The following SOX6 variants were observed in gnomAD, a reference collection of about 807,000 sequenced individuals.
SOX6 encodes SRY-box transcription factor 6.
A neutral mutation model predicts 97.8 loss-of-function variants in SOX6; 11 were observed. That is an observed-to-expected ratio of 0.11 (90% confidence interval 0.07 to 0.19). SOX6 has a LOEUF of 0.19. SOX6 is among the 10% of genes least tolerant of loss of function. SOX6 has a pLI of 1.00. For missense variants in SOX6, 810 were observed against 1,039.5 expected (o/e 0.78, Z 3.04); for synonymous variants, 360 against 371.4 (o/e 0.97, Z 0.35).
chr11:16,569,434 G>A (rs951294980), intron 4 of SOX6, among the ~76,000 whole-genome samples: 26 of 152,088 alleles, frequency 1.7e-4, no homozygotes, highest in Non-Finnish European at 2.9e-4. Context: ...TATTTTGGGT[G>A]CTCCAGTGGT....
chr11:16,050,595 AT>A (rs1198455185), intron 10 of SOX6, among the ~76,000 whole-genome samples: 1 of 152,116 alleles, frequency 6.6e-6, no homozygotes, highest in African/African-American at 2.4e-5. Context: ...TATGCAATTT[AT>A]TTTTCATGTT....
At chr11:16,665,122 C>T (rs1335405715) in intron 3 of SOX6, among the ~76,000 whole-genome samples, 1 of 151,554 alleles carries the variant, frequency 6.6e-6, no homozygotes, top group Non-Finnish European at 1.5e-5. Flanking sequence ...ACAGCAAATT[C>T]CCAGCTGTGG....
intron 3 of SOX6, among the ~76,000 whole-genome samples, chr11:16,700,694 C>T (rs990344142): frequency 7.9e-5 from 12 of 152,188 alleles, no homozygotes; most frequent in Non-Finnish European, 1.5e-4. Flanking sequence ...CATACCTGAA[C>T]AACTATGACT....
At chr11:16,059,208 G>A (rs1046029680) in intron 9 of SOX6, among the ~76,000 whole-genome samples, 8 of 151,800 alleles carry the variant, frequency 5.3e-5, no homozygotes, top group Non-Finnish European at 1.2e-4. Flanking sequence ...AATTTACTAG[G>A]ATTTGGGTAA....
chr11:16,057,207 T>C (rs1356530644), intron 9 of SOX6, among the ~76,000 whole-genome samples: 1 of 152,186 alleles, frequency 6.6e-6, no homozygotes, highest in Non-Finnish European at 1.5e-5. Flanking sequence ...TTTCCTACAT[T>C]GAACCCCACA....
intron 2 of SOX6, among the ~76,000 whole-genome samples, chr11:16,732,118 T>A (rs1477977580): frequency 2.6e-5 from 4 of 152,202 alleles, no homozygotes; most frequent in African/African-American, 9.6e-5. Flanking sequence ...AAACATTCCA[T>A]GCTTATGAAT....
chr11:16,696,089 AG>A (rs1417395748), intron 3 of SOX6, among the ~76,000 whole-genome samples: 1 of 152,212 alleles, frequency 6.6e-6, no homozygotes, highest in Non-Finnish European at 1.5e-5. Context: ...TTTACTTAAT[AG>A]TTTCCTATTT....
chr11:16,075,511 A>G (rs544473315), intron 9 of SOX6, among the ~76,000 whole-genome samples: 106 of 152,350 alleles, frequency 7.0e-4, no homozygotes, highest in African/African-American at 2.5e-3. Context: ...TTGCAGGGAC[A>G]TGGATGAAGC....
At chr11:16,398,139 C>G (rs998302802) in intron 1 of SOX6, among the ~76,000 whole-genome samples, 1 of 151,508 alleles carries the variant, frequency 6.6e-6, no homozygotes, top group Non-Finnish European at 1.5e-5. Context: ...CTTGACAAGT[C>G]CTAACCACCC....
chr11:16,076,736 T>C (rs1283705877), intron 9 of SOX6, among the ~76,000 whole-genome samples: 1 of 77,594 alleles, frequency 1.3e-5, no homozygotes, highest in African/African-American at 1.2e-4. Flanking sequence ...GTACTACACA[T>C]TTTTTTTTTT....
chr11:16,426,534 G>A (rs188873954), intron 1 of SOX6, among the ~76,000 whole-genome samples: 17 of 152,042 alleles, frequency 1.1e-4, no homozygotes, highest in Non-Finnish European at 1.8e-4. Flanking sequence ...ATTGACAAAC[G>A]TGACAAAAAC....
intron 1 of SOX6, among the ~76,000 whole-genome samples, chr11:16,412,979 C>A (rs1858852701): frequency 6.6e-6 from 1 of 152,058 alleles, no homozygotes; most frequent in African/African-American, 2.4e-5. Context: ...TCCACCTCAA[C>A]CACAGGTACC....
At chr11:16,254,730 G>T (rs1024938957) in intron 3 of SOX6, among the ~76,000 whole-genome samples, 9 of 151,852 alleles carry the variant, frequency 5.9e-5, no homozygotes, top group African/African-American at 2.2e-4. Context: ...GAACGACAAG[G>T]ACAAATAGAA....
At chr11:16,095,368 A>G (rs1220088452) in intron 9 of SOX6, among the ~76,000 whole-genome samples, 1 of 151,830 alleles carries the variant, frequency 6.6e-6, no homozygotes, top group Non-Finnish European at 1.5e-5. Flanking sequence ...ATATCCCAAC[A>G]AAACAACAAA....
At chr11:16,024,659 G>T (rs1383840099) in intron 12 of SOX6, among the ~76,000 whole-genome samples, 1 of 151,900 alleles carries the variant, frequency 6.6e-6, no homozygotes, top group East Asian at 1.9e-4. Flanking sequence ...CTCTAGGAAT[G>T]CTGATATATG....
chr11:16,444,961 A>G (rs927351241), intron 1 of SOX6, among the ~76,000 whole-genome samples: 3 of 152,190 alleles, frequency 2.0e-5, no homozygotes, highest in Non-Finnish European at 4.4e-5. Context: ...AAAGTCATGT[A>G]ACAAAACAAA....
intron 2 of SOX6, among the ~76,000 whole-genome samples, chr11:16,339,781 C>A (rs766373026): frequency 9.9e-5 from 15 of 151,990 alleles, no homozygotes; most frequent in Non-Finnish European, 1.6e-4. Flanking sequence ...AATGAAACAT[C>A]GCTCCATTAT....
At position 16,356,243 on chromosome 11, in the gene SOX6, A is replaced by G. The variant is rs919795384; in HGVS notation, c.-154T>C. On this transcript the variant is annotated 5_prime_UTR_variant, in exon 1 of 16. Coordinates refer to ENST00000683767, the MANE Select transcript of SOX6 (RefSeq NM_001367873.1). ...CCAAAAAAAAAAAAAACCCAACCCC[A>G]CAGCTAATTAATCTCTGCCAAGTCT... Among the ~76,000 whole-genome samples the G allele has an allele frequency of 2.6e-5, 4 of 151,598 alleles. No homozygotes were observed. The highest frequency in any genetic ancestry group is 7.3e-5 in the African/African-American group (3 of 41,342).
chr11:16,124,799 G>C (rs1849570154), intron 6 of SOX6, among the ~76,000 whole-genome samples: 1 of 152,010 alleles, frequency 6.6e-6, no homozygotes, highest in South Asian at 2.1e-4. Context: ...TTTAAGTTTA[G>C]AAAGATCACT....
Sources: allele counts gnomAD v4.1 joint callset (sites outside exome capture counted in the v4.1 genomes callset), GRCh38; gene constraint gnomAD v4.1.1; transcripts MANE v1.5; gene names NCBI Gene and HGNC (gene_info 2026-07-23, HGNC 2026-07-21).